CLYBL: variants seen among roughly 807,000 people sequenced by gnomAD.
The protein encoded by CLYBL is citramalyl-CoA lyase, also known as citramalyl-CoA lyase, mitochondrial.
Under a neutral mutation model 38.9 loss-of-function variants are expected in CLYBL, and 31 were observed. The observed-to-expected ratio is 0.80, with a 90% CI of 0.60 to 1.08. CLYBL has a LOEUF of 1.08. Ranked by LOEUF, CLYBL falls within the 50% of genes least tolerant of loss-of-function variation. The pLI is 0.00. For synonymous variants in CLYBL, 171 were observed against 158.6 expected (o/e 1.08, Z -0.59); for missense variants, 434 against 411.6 (o/e 1.05, Z -0.47).
Position 99,788,656 on chromosome 13 carries a change from G to A in CLYBL, c.249+15646G>A, listed in dbSNP as rs568663194. Among the ~76,000 whole-genome samples, 60 of 152,210 alleles carry A rather than the reference G, an allele frequency of 3.9e-4. 1 individual carries two copies. Among genetic ancestry groups the A allele is most frequent in the Admixed American group, 3.6e-3 (55 of 15,262 alleles). Reference sequence around the variant, plus strand: ...TGTTCATCAGGGATTTTGGTCTAAAGTTCTATTTTTGTGTGTGTGTCTCTG... The same window carrying A: ...TGTTCATCAGGGATTTTGGTCTAAAATTCTATTTTTGTGTGTGTGTCTCTG... On this transcript the variant is annotated intron_variant, in intron 2 of 8. Coordinates refer to ENST00000339105, the MANE Select transcript of CLYBL (RefSeq NM_206808.5).
chr13:99,625,171 A>G (rs1566591832), intron 1 of CLYBL, among the ~76,000 whole-genome samples: 1 of 152,220 alleles, frequency 6.6e-6, no homozygotes, highest in Non-Finnish European at 1.5e-5. Context: ...TTTGCTGTCC[A>G]TCGGGCTGTA....
chr13:99,854,194 CTG>C (rs1351671542), intron 2 of CLYBL, among the ~76,000 whole-genome samples: 1 of 152,078 alleles, frequency 6.6e-6, no homozygotes, highest in East Asian at 1.9e-4. Context: ...GCACCCAGGG[CTG>C]TCTCTGCCAT....
At chr13:99,643,423 A>G (rs1311478721) in intron 1 of CLYBL, among the ~76,000 whole-genome samples, 2 of 152,178 alleles carry the variant, frequency 1.3e-5, no homozygotes, top group Non-Finnish European at 2.9e-5. Context: ...CAATACCTGC[A>G]TTTTCAACCA....
chr13:99,728,275 CTTTTCTTTTT>C (rs766118927), intron 1 of CLYBL, among the ~76,000 whole-genome samples: 1 of 142,558 alleles, frequency 7.0e-6, no homozygotes. Flanking sequence ...TGTTTCTTTT[CTTTTCTTTTT>C]TTTTTTTTTT....
chr13:99,846,242 G>C (rs891638733), intron 2 of CLYBL, among the ~76,000 whole-genome samples: 1 of 149,218 alleles, frequency 6.7e-6, no homozygotes, highest in African/African-American at 2.5e-5. Context: ...CCAACATTAC[G>C]AATGTTGATG....
intron 9 of CLYBL, among the ~76,000 whole-genome samples, chr13:99,906,293 G>A (rs573275546): frequency 1.3e-5 from 2 of 152,252 alleles, no homozygotes; most frequent in African/African-American, 4.8e-5. Flanking sequence ...ACATTTAAAA[G>A]TTTTCAAATC....
intron 1 of CLYBL, among the ~76,000 whole-genome samples, chr13:99,747,425 T>C (rs1214514272): frequency 6.6e-6 from 1 of 151,950 alleles, no homozygotes; most frequent in Non-Finnish European, 1.5e-5. Context: ...TCTTTCCTCA[T>C]CCTCATCCTC....
intron 2 of CLYBL, among the ~76,000 whole-genome samples, chr13:99,786,963 A>G (rs948847481): frequency 1.3e-5 from 2 of 151,934 alleles, no homozygotes; most frequent in Non-Finnish European, 1.5e-5. Context: ...GCCAGTGATG[A>G]TGAGCATTTT....
At chr13:99,652,152 G>C (rs2047264111) in intron 1 of CLYBL, among the ~76,000 whole-genome samples, 1 of 152,202 alleles carries the variant, frequency 6.6e-6, no homozygotes, top group African/African-American at 2.4e-5. Flanking sequence ...GCAGGCTCCA[G>C]GGAGGGAGTG....
At chr13:99,880,593 A>C (rs894302374) in intron 7 of CLYBL, among the ~76,000 whole-genome samples, 7 of 152,220 alleles carry the variant, frequency 4.6e-5, no homozygotes, top group African/African-American at 1.4e-4. Flanking sequence ...GAAAAGCCAG[A>C]TCCTTTCTCT....
chr13:99,908,058 C>T (rs2052715315), exon 10 of CLYBL, among the ~76,000 whole-genome samples: 1 of 152,130 alleles, frequency 6.6e-6, no homozygotes, highest in Non-Finnish European at 1.5e-5. Flanking sequence ...CCTGCAGGTT[C>T]TTGGAAAGAG....
At chr13:99,632,067 C>T (rs1216857533) in intron 1 of CLYBL, among the ~76,000 whole-genome samples, 1 of 152,122 alleles carries the variant, frequency 6.6e-6, no homozygotes, top group Non-Finnish European at 1.5e-5. Context: ...TGGCCAAAAG[C>T]CGCAGCCTTA....
intron 1 of CLYBL, among the ~76,000 whole-genome samples, chr13:99,657,755 G>A (rs1350543321): frequency 6.6e-6 from 1 of 152,150 alleles, no homozygotes; most frequent in Non-Finnish European, 1.5e-5. Flanking sequence ...AATGTGAAGG[G>A]CCTTTGAAGC....
intron 1 of CLYBL, among the ~76,000 whole-genome samples, chr13:99,722,248 TTCCCCAGGGGTGTTGACAC>T (rs1017823904): frequency 1.3e-5 from 2 of 152,118 alleles, no homozygotes; most frequent in African/African-American, 4.8e-5. Flanking sequence ...GGTGTCTTCT[TTCCCCAGGGGTGTTGACAC>T]TCTGACCCCT....
intron 1 of CLYBL, among the ~76,000 whole-genome samples, chr13:99,635,171 G>A (rs551082150): frequency 4.1e-4 from 63 of 152,102 alleles, no homozygotes; most frequent in African/African-American, 1.5e-3. Context: ...AACTCACCTT[G>A]TTAATGACCC....
rs1751615810 is a variant in CLYBL, at chr13:99,838,610, A to G, written c.250-20251A>G. Among the ~76,000 whole-genome samples, 5 of 152,276 alleles carry G rather than the reference A, an allele frequency of 3.3e-5. No homozygotes were observed. In the South Asian group the frequency reaches 1.0e-3, roughly 32 times the overall value. On this transcript the variant is annotated intron_variant, in intron 2 of 8. Coordinates refer to ENST00000339105, the MANE Select transcript of CLYBL (RefSeq NM_206808.5). The stretch of plus-strand genomic sequence containing the variant: ...TTGTTAAATGCTGTAATCTTCCCAT[A>G]TTACTATAAATTGTCAAACATTTCA...
chr13:99,831,725 T>C (rs55808009), intron 2 of CLYBL, among the ~76,000 whole-genome samples: 8,997 of 151,564 alleles, frequency 0.059, 338 homozygotes, highest in East Asian at 0.16. Flanking sequence ...TTCTTTCTTT[T>C]TTTTTTTTTT....
intron 1 of CLYBL, among the ~76,000 whole-genome samples, chr13:99,758,394 TC>T (rs1205607681): frequency 6.6e-6 from 1 of 152,184 alleles, no homozygotes; most frequent in Non-Finnish European, 1.5e-5. Flanking sequence ...TTTCAACGCA[TC>T]TTAAGCCCCT....
chr13:99,641,335 C>T (rs1239738054), intron 1 of CLYBL, among the ~76,000 whole-genome samples: 1 of 152,118 alleles, frequency 6.6e-6, no homozygotes, highest in Non-Finnish European at 1.5e-5. Flanking sequence ...TGCATCTTCC[C>T]ATTATTTATT....
Sources: allele counts gnomAD v4.1 joint callset (sites outside exome capture counted in the v4.1 genomes callset), GRCh38; gene constraint gnomAD v4.1.1; transcripts MANE v1.5; gene names NCBI Gene and HGNC (gene_info 2026-07-23, HGNC 2026-07-21).